Variants in LAMA1 observed in about 807,000 individuals in gnomAD.
LAMA1 encodes the protein laminin subunit alpha 1, also known as laminin subunit alpha-1.
Under a neutral mutation model 348.7 loss-of-function variants are expected in LAMA1, and 219 were observed. The observed-to-expected ratio is 0.63, with a 90% confidence interval of 0.56 to 0.70. LAMA1 has a LOEUF of 0.70. Among genes scored for constraint, LAMA1 ranks in the 30% least tolerant of loss-of-function variants. LAMA1 has a pLI of 0.00. For missense variants in LAMA1, 3,744 were observed against 3,888.0 expected, an observed-to-expected ratio of 0.96 and a Z score of 0.99; for synonymous variants, 1,487 against 1,491.0, an observed-to-expected ratio of 1.00 and a Z score of 0.06.
In LAMA1 at chr18:6,982,481, C is replaced by G. The variant is rs779795854; in HGVS notation, c.5890+16G>C. ...GCTCACTCTGCCTGTCTACACCGTC[C>G]GAGCCACATACTGACCTGGAAGCTT... On this transcript the variant is annotated intron_variant, in intron 41 of 62. Transcript: ENST00000389658. 3 of 1,611,034 alleles carry G rather than the reference C, an allele frequency of 1.9e-6. No homozygotes were observed. Among genetic ancestry groups the G allele is most frequent in the Non-Finnish European group, 2.5e-6 (3 of 1,177,292 alleles).
Position 6,965,419 on chromosome 18 carries a change from G to A in LAMA1, c.7064C>T (p.Ser2355Phe), listed in dbSNP as rs756589179. Residue 2355 changes from serine (S) to phenylalanine (F), a missense_variant, in exon 50 of 63, where the codon TCC becomes TTC. Physicochemically the swap from Ser to Phe is radical, Grantham distance 155 (BLOSUM62 -2). Around this residue, in one of 3 missense-constraint regions of LAMA1, gnomAD observed 1,983 missense variants for 1,934.3 expected, o/e 1.03. Transcript: ENST00000389658. ...CACTCTGCCACGAAACAGCTCGATG[G>A]ATAAAAAGTCTTTCTGTAAAAAAGA... ...LGSYGTKDFL[S>F]IELFRGRVKV... 6.2e-7 allele frequency: 1 copy of A among 1,614,120 alleles called. No individual in the cohort carries two copies.
chr18:7,007,160 G>A lies in LAMA1; in HGVS notation c.4239C>T (p.Asp1413=). 1 of 1,614,162 alleles carries A rather than the reference G, an allele frequency of 6.2e-7. No individual in the cohort carries two copies. The highest frequency in any genetic ancestry group is 1.3e-5 in the African/African-American group (1 of 75,044). Residue 1413 remains aspartate, a synonymous_variant, in exon 29 of 63, where the codon GAC becomes GAT. Coordinates refer to ENST00000389658, the MANE Select transcript of LAMA1 (RefSeq NM_005559.4). ...ATACCAGACACTTCCCGGTGTTGGG[G>A]TCACAGGTGTCACTGTGGTTGTTGC... is the stretch of plus-strand genomic sequence containing the variant. ...CSCNNHSDTC[D]PNTGKCLNCG... is the part of the protein sequence containing the mutation.
chr18:6,983,212 C>T lies in LAMA1; in HGVS notation c.5683G>A (p.Val1895Met), dbSNP rs1161290808. Residue 1895 changes from valine (V) to methionine (M), a missense_variant, in exon 40 of 63, where the codon GTG (valine) becomes ATG (methionine). Around this residue, in one of 3 missense-constraint regions of LAMA1, gnomAD observed 1,983 missense variants for 1,934.3 expected, o/e 1.03. Transcript: ENST00000389658. ...LYSGLENIRN[V>M]SLNATSAAYV... Reference sequence around the variant, plus strand: ...GCTGCACTGGTGGCATTCAGGGACACATTTCTGATGTTTTCAAGGCCACTA... The same window carrying T: ...GCTGCACTGGTGGCATTCAGGGACATATTTCTGATGTTTTCAAGGCCACTA... The T allele has an allele frequency of 3.1e-6, 5 of 1,614,018 alleles. No homozygotes were observed. The highest frequency in any genetic ancestry group is 4.2e-6 in the Non-Finnish European group (5 of 1,180,036).
At chr18:7,011,545 T>C (rs1322854666) in intron 24 of LAMA1, 66 bp from the exon 25 acceptor site, 15 of 1,412,548 alleles carry the variant, frequency 1.1e-5, no homozygotes, top group Non-Finnish European at 1.5e-5. Flanking sequence ...TTTCATTCTT[T>C]AGATTCCATC....
chr18:7,065,057 C>T (rs578130084), intron 3 of LAMA1, among the ~76,000 whole-genome samples: 109 of 151,874 alleles, frequency 7.2e-4, no homozygotes, highest in Non-Finnish European at 1.0e-3. Context: ...CAGGGTGAAT[C>T]CTCGTCTCTA....
At chr18:6,951,032 T>C in intron 57 of LAMA1, 61 bp from the exon 58 acceptor site, 1 of 1,442,710 alleles carries the variant, frequency 6.9e-7, no homozygotes, top group Non-Finnish European at 9.5e-7. Flanking sequence ...TTTTAAAACC[T>C]CAAAAGAGGA....
At chr18:6,951,048 C>T (rs2057544584) in intron 57 of LAMA1, 77 bp from the exon 58 acceptor site, 1 of 1,319,382 alleles carries the variant, frequency 7.6e-7, no homozygotes, top group Non-Finnish European at 1.1e-6. Flanking sequence ...GAGGACCCAA[C>T]AATTGTTTCA....
chr18:6,997,949 T>G, intron 32 of LAMA1, 65 bp from the exon 33 acceptor site: 1 of 1,469,964 alleles, frequency 6.8e-7, no homozygotes, highest in Non-Finnish European at 9.5e-7. Flanking sequence ...CATTTTTTCA[T>G]GGAGTTGCGC....
chr18:7,038,691 C>A, intron 11 of LAMA1, 119 bp downstream of exon 11: 1 of 1,352,812 alleles, frequency 7.4e-7, no homozygotes, highest in South Asian at 1.2e-5. Flanking sequence ...AGTATCATTG[C>A]ATAGCGATGA....
chr18:6,947,224 A>G lies in LAMA1; in HGVS notation c.8783T>C (p.Val2928Ala). The change falls in exon 61 of 63, where the codon GTC becomes GCC. Residue 2928 changes from valine to alanine, a missense_variant. Around this residue, in one of 3 missense-constraint regions of LAMA1, gnomAD observed 232 missense variants for 264.4 expected, o/e 0.88. Transcript: ENST00000389658. The part of the protein sequence containing the change: ...LEFRTSSQNG[V>A]LLGISTAKVD... ...TTTGGCAGTGCTGATCCCCAGGAGG[A>G]CGCCATTCTGCGAGGAGGTTCGAAA... 6.2e-7 allele frequency: 1 copy of G among 1,614,192 alleles called. No homozygotes were observed. Among genetic ancestry groups the G allele is most frequent in the East Asian group, 2.2e-5 (1 of 44,874 alleles).
chr18:7,103,767 C>T (rs138591587), intron 1 of LAMA1, among the ~76,000 whole-genome samples: 2,585 of 149,544 alleles, frequency 0.017, 24 homozygotes, highest in Non-Finnish European at 0.019. Flanking sequence ...TGCATTGAGC[C>T]GAGATTGTGC....
At chr18:7,005,367 G>A (rs1180354720) in intron 29 of LAMA1, among the ~76,000 whole-genome samples, 2 of 152,258 alleles carry the variant, frequency 1.3e-5, no homozygotes, top group Non-Finnish European at 2.9e-5. Context: ...GAGCAGAGCT[G>A]TTTTGGGAGT....
intron 3 of LAMA1, among the ~76,000 whole-genome samples, chr18:7,064,978 G>A (rs1044146237): frequency 1.3e-5 from 2 of 152,128 alleles, no homozygotes; most frequent in Non-Finnish European, 2.9e-5. Context: ...GCTCACGCCT[G>A]TAATCCCAGC....
At chr18:7,098,877 C>A (rs1033883506) in intron 1 of LAMA1, among the ~76,000 whole-genome samples, 2 of 143,360 alleles carry the variant, frequency 1.4e-5, no homozygotes, top group Non-Finnish European at 3.1e-5. Flanking sequence ...CCAGCCGCCC[C>A]GTCCGGGAGG....
chr18:7,078,884 G>A (rs1295100355), intron 3 of LAMA1, among the ~76,000 whole-genome samples: 16 of 152,158 alleles, frequency 1.1e-4, no homozygotes, highest in Admixed American at 1.0e-3. Context: ...CTAATCGGGA[G>A]GCTGAGGCAG....
At chr18:6,969,002 C>T (rs183361826) in intron 48 of LAMA1, among the ~76,000 whole-genome samples, 43 of 152,270 alleles carry the variant, frequency 2.8e-4, no homozygotes, top group Admixed American at 3.9e-4. Context: ...TCTTGTCTAA[C>T]AGGAGAAGGG....
At chr18:7,052,584 G>A (rs957350144) in intron 3 of LAMA1, among the ~76,000 whole-genome samples, 8 of 151,888 alleles carry the variant, frequency 5.3e-5, no homozygotes, top group Admixed American at 1.3e-4. Context: ...AAAATTAGCC[G>A]GCCGTGGAGG....
intron 15 of LAMA1, among the ~76,000 whole-genome samples, chr18:7,032,412 C>A (rs2057974352): frequency 2.6e-5 from 4 of 152,194 alleles, no homozygotes; most frequent in Admixed American, 2.6e-4. Flanking sequence ...TAGAAACACA[C>A]ACACAAAAAC....
At chr18:7,033,333 G>A (rs184028666) in intron 14 of LAMA1, among the ~76,000 whole-genome samples, 31 of 152,082 alleles carry the variant, frequency 2.0e-4, no homozygotes, top group Middle Eastern at 6.8e-3. Context: ...GCATGTGCCT[G>A]TAGTCCCAGC....
Sources: gnomAD v4.1 joint callset for allele counts (sites outside exome capture counted in the v4.1 genomes callset) on GRCh38, gnomAD v4.1.1 for gene constraint, gnomAD v4.1.1 regional missense constraint, MANE v1.5 for transcripts, NCBI Gene and HGNC (gene_info 2026-07-23, HGNC 2026-07-21) for gene names.